Variants in TRMT11 observed in about 807,000 individuals in gnomAD.
The protein encoded by TRMT11 is tRNA methyltransferase 11, also known as tRNA (guanine(10)-N(2))-methyltransferase TRMT11.
A neutral mutation model predicts 62.8 loss-of-function variants in TRMT11; 53 were observed. The ratio of observed to expected loss-of-function variants is 0.84; its 90% CI spans 0.68 to 1.06. TRMT11 has a LOEUF of 1.06. Among genes scored for constraint, TRMT11 ranks in the 50% least tolerant of loss-of-function variants. The probability of loss-of-function intolerance (pLI) is 0.00; values close to 1 mark genes in which losing one functional copy is unlikely to be tolerated. For synonymous variants in TRMT11, 188 were observed against 190.3 expected (o/e 0.99, Z 0.10); for missense variants, 556 against 553.4 (o/e 1.00, Z -0.05).
intron 11 of TRMT11, among the ~76,000 whole-genome samples, chr6:126,018,317 TA>T (rs1331187065): frequency 6.6e-6 from 1 of 152,192 alleles, no homozygotes; most frequent in East Asian, 1.9e-4. Flanking sequence ...CTGTTTTTAG[TA>T]AATGTTCAAT....
intron 21 of TRMT11, among the ~76,000 whole-genome samples, chr6:126,150,810 C>G (rs1223675090): frequency 6.6e-6 from 1 of 152,232 alleles, no homozygotes; most frequent in Admixed American, 6.5e-5. Context: ...CTTAGGGTCT[C>G]ATTTGGTCAC....
At chr6:126,031,726 C>T (rs1774233368) in intron 12 of TRMT11, among the ~76,000 whole-genome samples, 1 of 152,124 alleles carries the variant, frequency 6.6e-6, no homozygotes, top group Non-Finnish European at 1.5e-5. Flanking sequence ...TGTTGAGGGA[C>T]CTTACCTACT....
At chr6:126,112,358 C>T (rs1445092078) in intron 17 of TRMT11, among the ~76,000 whole-genome samples, 2 of 152,266 alleles carry the variant, frequency 1.3e-5, no homozygotes, top group East Asian at 3.9e-4. Context: ...CCTGTGGTTA[C>T]ATCAACTGTT....
At chr6:126,234,904 G>A in the TRMT11 span, among the ~76,000 whole-genome samples, 1 of 152,032 alleles carries the variant, frequency 6.6e-6, no homozygotes, top group Admixed American at 6.6e-5. Flanking sequence ...ATGTAATATG[G>A]GCATTAAGAC....
In TRMT11 at chr6:126,125,084, G is replaced by A. The variant is rs1018708832; in HGVS notation, c.*1823+9229G>A. On this transcript the variant is annotated intron_variant and NMD_transcript_variant, in intron 21 of 22. Coordinates refer to the TRMT11 transcript ENST00000648977. ...TGTGACAATTCCTGAGCTTTTCCAG[G>A]GCCCTGTGGCTCAAGTGGGGTCATT... Among the ~76,000 whole-genome samples, 14 of 151,976 alleles carry A rather than the reference G, an allele frequency of 9.2e-5. No individual in the cohort carries two copies. In the South Asian group the frequency reaches 2.9e-3, roughly 32 times the overall value.
Position 125,998,530 on chromosome 6 carries a change from A to C in TRMT11, c.388-20A>C, listed in dbSNP as rs768001478. ...TTGTAAATTATTATAAGACATCAGC[A>C]TTTCTTTTGTTTCTTTTAGGCACTT... On this transcript the variant is annotated intron_variant, in intron 5 of 12. Transcript: ENST00000334379. The C allele has an allele frequency of 6.2e-7, 1 of 1,604,490 alleles. No individual in the cohort carries two copies. The highest frequency in any genetic ancestry group is 1.7e-5 in the Admixed American group (1 of 57,806).
intron 12 of TRMT11, among the ~76,000 whole-genome samples, chr6:126,037,757 G>A (rs1283021274): frequency 1.3e-5 from 2 of 151,838 alleles, no homozygotes. Context: ...ATTTTATACA[G>A]GCAAAAATAT....
intron 17 of TRMT11, among the ~76,000 whole-genome samples, chr6:126,081,882 C>T (rs369826392): frequency 1.3e-5 from 2 of 152,044 alleles, no homozygotes; most frequent in East Asian, 1.9e-4. Context: ...TGGCAAGTAC[C>T]GAAAGGAGAA....
intron 12 of TRMT11, among the ~76,000 whole-genome samples, chr6:126,031,572 C>G (rs1774206259): frequency 6.6e-6 from 1 of 151,990 alleles, no homozygotes; most frequent in Admixed American, 6.6e-5. Context: ...GGTTGGAAAG[C>G]CAAAAATTTA....
At chr6:126,077,235 T>C (rs1441969763) in intron 17 of TRMT11, among the ~76,000 whole-genome samples, 1 of 152,220 alleles carries the variant, frequency 6.6e-6, no homozygotes, top group Non-Finnish European at 1.5e-5. Flanking sequence ...TGTCTTTATT[T>C]AGTGTTCTAA....
chr6:126,040,306 T>C (rs1273045679), downstream of TRMT11, among the ~76,000 whole-genome samples: 1 of 152,142 alleles, frequency 6.6e-6, no homozygotes, highest in African/African-American at 2.4e-5. Flanking sequence ...TTACTACTAA[T>C]TGAGGTCTTC....
intron 21 of TRMT11, among the ~76,000 whole-genome samples, chr6:126,167,470 C>T (rs534634000): frequency 9.2e-5 from 14 of 152,268 alleles, no homozygotes; most frequent in East Asian, 5.8e-4. Flanking sequence ...CCCAATGAGA[C>T]GAAGTGGGTA....
intron 17 of TRMT11, among the ~76,000 whole-genome samples, chr6:126,071,222 G>T (rs947634522): frequency 4.6e-5 from 7 of 151,876 alleles, no homozygotes; most frequent in Middle Eastern, 3.4e-3. Context: ...TGTTTCCTTG[G>T]GGGGGTGGGG....
chr6:126,197,479 A>G (rs1778679985), intron 1 of TRMT11, among the ~76,000 whole-genome samples: 1 of 152,216 alleles, frequency 6.6e-6, no homozygotes, highest in South Asian at 2.1e-4. Context: ...GTTGTTAAAT[A>G]TCCTTGATCA....
chr6:126,106,328 A>G (rs1777464016), intron 17 of TRMT11, among the ~76,000 whole-genome samples: 1 of 152,036 alleles, frequency 6.6e-6, no homozygotes, highest in Non-Finnish European at 1.5e-5. Context: ...TATTTTTAGT[A>G]GAGACAGGGT....
intron 1 of TRMT11, among the ~76,000 whole-genome samples, chr6:126,198,071 C>T (rs1429719370): frequency 6.6e-6 from 1 of 152,132 alleles, no homozygotes; most frequent in Non-Finnish European, 1.5e-5. Context: ...AGAATGGACT[C>T]GGTGGGAACA....
chr6:126,261,260 G>A, the TRMT11 span, among the ~76,000 whole-genome samples: 2 of 151,824 alleles, frequency 1.3e-5, no homozygotes, highest in East Asian at 1.9e-4. Flanking sequence ...CAGCTCTGAT[G>A]TTTCTGTTTG....
chr6:126,004,176 G>C (rs1423593843), intron 7 of TRMT11, among the ~76,000 whole-genome samples: 2 of 151,926 alleles, frequency 1.3e-5, no homozygotes, highest in African/African-American at 4.8e-5. Flanking sequence ...AAAAAATATG[G>C]TTGCCAGTAT....
chr6:126,024,281 A>T (rs1796228255), intron 12 of TRMT11, among the ~76,000 whole-genome samples: 1 of 152,226 alleles, frequency 6.6e-6, no homozygotes, highest in Non-Finnish European at 1.5e-5. Flanking sequence ...TTATTTTCTT[A>T]CAGTTCTGGA....
Sources: allele counts gnomAD v4.1 joint callset (sites outside exome capture counted in the v4.1 genomes callset), GRCh38; gene constraint gnomAD v4.1.1; transcripts MANE v1.5; gene names NCBI Gene and HGNC (gene_info 2026-07-23, HGNC 2026-07-21).